PDXK: variants seen among roughly 807,000 people sequenced by gnomAD.
The protein encoded by PDXK is epididymis secretory sperm binding protein Li 1a.
A neutral mutation model predicts 43.2 loss-of-function variants in PDXK; 15 were observed. The observed-to-expected ratio is 0.35, with a 90% CI of 0.23 to 0.53. The LOEUF is 0.53. Ranked by LOEUF, PDXK falls within the 20% of genes least tolerant of loss-of-function variation. PDXK has a pLI of 0.92. For synonymous variants in PDXK, 172 were observed against 165.4 expected, an observed-to-expected ratio of 1.04 and a Z score of -0.31; for missense variants, 343 against 417.0, an observed-to-expected ratio of 0.82 and a Z score of 1.54.
chr21:43,758,616 C>A lies in PDXK; in HGVS notation c.*2553C>A, dbSNP rs2083889263. On this transcript the variant is annotated 3_prime_UTR_variant, in exon 11 of 11. Transcript: ENST00000291565. The stretch of plus-strand genomic sequence containing the variant: ...TTCAGTTTCTCATCCAGGAAGGTAA[C>A]CTTGGGCATTGGCAGTGGGTTTCCC... 1 of 153,678 alleles carries A rather than the reference C, an allele frequency of 6.5e-6. No individual in the cohort carries two copies. The allele number at this position is 153,678 out of a possible 1,614,324, so 9.5% of individuals were successfully genotyped here.
rs115042243 is a variant in PDXK at position 43,742,949 on chromosome 21, C to T, written c.248-775C>T. Among the ~76,000 whole-genome samples the T allele has an allele frequency of 2.6e-3, 394 of 152,288 alleles. 1 individual carries two copies. Among genetic ancestry groups the T allele is most frequent in the African/African-American group, 9.2e-3 (383 of 41,534 alleles). ...AAGGAAAGATCACTCCTTCACCTCTCGCCCGTGGGTTCATTCCTGTGAAGC... is the reference window on the plus strand; with the variant it reads ...AAGGAAAGATCACTCCTTCACCTCTTGCCCGTGGGTTCATTCCTGTGAAGC... On this transcript the variant is annotated intron_variant, in intron 3 of 10. Transcript: ENST00000291565.
rs943808421 is a variant in PDXK at position 43,737,725 on chromosome 21, C to T, written c.142+3602C>T. On this transcript the variant is annotated intron_variant, in intron 2 of 10. Transcript: ENST00000291565. This position sits in a 1 kb window ranked among gnomAD's most constrained non-coding sequence, Gnocchi z 4.8. Reference sequence around the variant, plus strand: ...GGGCCAGGCCGGGCCAGGAGCCTGCCGACGGACACCAGCGAGGGGCCAGGC... The same window carrying T: ...GGGCCAGGCCGGGCCAGGAGCCTGCTGACGGACACCAGCGAGGGGCCAGGC... 33 of 946,216 alleles carry T rather than the reference C, an allele frequency of 3.5e-5. No homozygotes were observed. Among genetic ancestry groups the T allele is most frequent in the Non-Finnish European group, 3.9e-5 (31 of 803,656 alleles). 58.6% of individuals were successfully genotyped at this position (946,216 alleles called of 1,614,324 possible).
At chr21:43,746,646 T>G (rs1356282682) in intron 5 of PDXK, among the ~76,000 whole-genome samples, 1 of 151,632 alleles carries the variant, frequency 6.6e-6, no homozygotes, top group Admixed American at 6.6e-5. Context: ...CTCGAACTCC[T>G]AGCCTCAAGT....
chr21:43,743,158 TCCCCCCAG>T (rs2083569406), intron 3 of PDXK, among the ~76,000 whole-genome samples: 6 of 45,618 alleles, frequency 1.3e-4, no homozygotes, highest in African/African-American at 1.8e-4. Flanking sequence ...CCCACCTCCC[TCCCCCCAG>T]CTCCTGAGCA....
Position 43,743,951 on chromosome 21 carries a change from GCTGGGCCT to G in PDXK, c.331+148_331+155del. ...CTCTCCGGGCCAGTGAATTGTGTCT[GCTGGGCCT>G]CTGAAGATGTTGGCCTGCTGAAGTC... On this transcript the variant is annotated intron_variant, in intron 4 of 10. Transcript: ENST00000291565. The G allele has an allele frequency of 4.5e-6, 3 of 662,584 alleles. No individual in the cohort carries two copies. The South Asian group carries it at 5.2e-5, about 11-fold the overall frequency. The allele number at this position is 662,584 out of a possible 1,614,324, so 41.0% of individuals were successfully genotyped here. A position where few individuals can be genotyped will look rare whatever the true frequency, so the allele number is the denominator to read the frequency against.
chr21:43,731,793 G>A (rs779069130), intron 1 of PDXK, among the ~76,000 whole-genome samples: 8 of 152,224 alleles, frequency 5.3e-5, no homozygotes, highest in Non-Finnish European at 1.0e-4. Context: ...AGCAACAATC[G>A]TAGAGGCCGT....
rs574577243 is a variant in PDXK at position 43,727,037 on chromosome 21, G to GC, written c.88-7025dup. Among the ~76,000 whole-genome samples, 588 of 152,238 alleles carry GC rather than the reference G, an allele frequency of 3.9e-3. 7 individuals carry two copies. Among genetic ancestry groups the GC allele is most frequent in the African/African-American group, 0.013 (534 of 41,520 alleles). ...GCTCTGCAGGCCCCAGTGTTGGCCG[G>GC]CCCCCCCGTCTTTCCTGTAAGTGAC... On this transcript the variant is annotated intron_variant, in intron 1 of 10. Transcript: ENST00000291565.
At chr21:43,740,460 G>A (rs2083478229) in intron 2 of PDXK, among the ~76,000 whole-genome samples, 1 of 152,020 alleles carries the variant, frequency 6.6e-6, no homozygotes, top group Admixed American at 6.5e-5. Flanking sequence ...TGCATTAGAG[G>A]GGTGATTCAT....
At position 43,759,825 on chromosome 21, in the gene PDXK, C is replaced by G. The variant is rs2147340751; in HGVS notation, c.*3762C>G. 6.6e-6 allele frequency: 1 copy of G among 152,382 alleles called. No individual in the cohort carries two copies. Among genetic ancestry groups the G allele is most frequent in the East Asian group, 1.9e-4 (1 of 5,168 alleles). 9.4% of individuals were successfully genotyped at this position (152,382 alleles called of 1,614,324 possible). A position where few individuals can be genotyped will look rare whatever the true frequency, so the allele number is the denominator to read the frequency against. On this transcript the variant is annotated 3_prime_UTR_variant, in exon 11 of 11. Transcript: ENST00000291565. ...GGCCAGCGGCTTCCGCTGAGACTCG[C>G]TGGAGAGGCGGCTCCCGTGTCCGTC...
intron 4 of PDXK, among the ~76,000 whole-genome samples, chr21:43,745,431 A>G (rs2083621789): frequency 1.3e-5 from 2 of 151,846 alleles, no homozygotes; most frequent in Non-Finnish European, 2.9e-5. Flanking sequence ...AAAAAAAAAA[A>G]AAAAAGAAAG....
At chr21:43,721,257 C>T (rs79871242) in intron 1 of PDXK, among the ~76,000 whole-genome samples, 3,716 of 152,318 alleles carry the variant, frequency 0.024, 163 homozygotes, top group African/African-American at 0.085. Flanking sequence ...CAGTGTTTGC[C>T]GCTTCTAGCT....
intron 1 of PDXK, among the ~76,000 whole-genome samples, chr21:43,728,395 C>T (rs1314116285): frequency 6.6e-6 from 1 of 152,146 alleles, no homozygotes; most frequent in African/African-American, 2.4e-5. Flanking sequence ...AGGGAGGGTT[C>T]TGCTGGGTGG....
intron 2 of PDXK, chr21:43,738,116 C>T (rs1395589098): frequency 5.6e-6 from 5 of 888,150 alleles, no homozygotes; most frequent in Non-Finnish European, 6.7e-6. Flanking sequence ...TTAACCCCAG[C>T]ACCTCAGTGT....
intron 3 of PDXK, among the ~76,000 whole-genome samples, chr21:43,742,071 G>A (rs1314231474): frequency 2.0e-5 from 3 of 152,186 alleles, no homozygotes; most frequent in Non-Finnish European, 4.4e-5. Flanking sequence ...GCTGACCGGG[G>A]CAGGACAGGT....
At chr21:43,731,993 G>T (rs9974754) in intron 1 of PDXK, 3 of 274,044 alleles carry the variant, frequency 1.1e-5, no homozygotes, top group Non-Finnish European at 1.9e-5. Context: ...GGGGGCATGC[G>T]ATGAGGAATT....
intron 5 of PDXK, chr21:43,747,217 G>A (rs1024728138): frequency 7.2e-5 from 11 of 152,376 alleles, no homozygotes; most frequent in Non-Finnish European, 8.8e-5. Context: ...CCTGGACGTC[G>A]GATCAAGTGG....
At chr21:43,749,430 G>A (rs1218049933) in intron 6 of PDXK, among the ~76,000 whole-genome samples, 1 of 152,218 alleles carries the variant, frequency 6.6e-6, no homozygotes, top group East Asian at 1.9e-4. Flanking sequence ...AATGGCAAAT[G>A]CTACCAGTCT....
chr21:43,733,828 G>T, intron 1 of PDXK: 1 of 686,134 alleles, frequency 1.5e-6, no homozygotes, highest in East Asian at 2.8e-5. Flanking sequence ...GCCCTCCCGG[G>T]CTGGTTGCTC....
rs2083857855 is a variant in PDXK, at chr21:43,756,722, G to A, written c.*659G>A. 1 of 152,282 alleles carries A rather than the reference G, an allele frequency of 6.6e-6. No homozygotes were observed. Among genetic ancestry groups the A allele is most frequent in the Non-Finnish European group, 1.5e-5 (1 of 68,136 alleles). The allele number at this position is 152,282 out of a possible 1,614,324, so 9.4% of individuals were successfully genotyped here. Reference sequence around the variant, plus strand: ...CCTTCCCAGGCCCCAGCAAATTCAAGTCGGTCTGCAGACCTCTCAGCTACC... The same window carrying A: ...CCTTCCCAGGCCCCAGCAAATTCAAATCGGTCTGCAGACCTCTCAGCTACC... On this transcript the variant is annotated 3_prime_UTR_variant, in exon 11 of 11. Transcript: ENST00000291565.
Sources: allele counts gnomAD v4.1 joint callset (sites outside exome capture counted in the v4.1 genomes callset), GRCh38; gene constraint gnomAD v4.1.1; non-coding constraint Gnocchi (gnomAD v3.1); transcripts MANE v1.5; gene names NCBI Gene and HGNC (gene_info 2026-07-23, HGNC 2026-07-21).